The following SNX30 variants were observed in gnomAD, a reference collection of about 807,000 sequenced individuals.
SNX30 encodes sorting nexin-30.
SNX30 carries 24 observed loss-of-function variants against 46.4 expected under a neutral mutation model. The observed-to-expected ratio is 0.52, with a 90% CI of 0.37 to 0.73. The LOEUF is 0.73. Among genes scored for constraint, SNX30 ranks in the 30% least tolerant of loss-of-function variants. SNX30 has a pLI of 0.00. For synonymous variants in SNX30, 189 were observed against 211.5 expected (o/e 0.89, Z 0.92); for missense variants, 533 against 555.7 (o/e 0.96, Z 0.41).
chr9:112,823,622 G>C (rs1840538654), intron 3 of SNX30, among the ~76,000 whole-genome samples: 1 of 152,190 alleles, frequency 6.6e-6, no homozygotes. Flanking sequence ...TTTTAAGGAA[G>C]AAAGCTTTCT....
intron 3 of SNX30, among the ~76,000 whole-genome samples, chr9:112,823,312 T>C (rs2131432082): frequency 6.6e-6 from 1 of 152,362 alleles, no homozygotes; most frequent in East Asian, 1.9e-4. Context: ...TAACTATAGG[T>C]ACCACTTTGT....
chr9:112,827,667 T>C (rs1840598331), intron 3 of SNX30, among the ~76,000 whole-genome samples: 1 of 152,216 alleles, frequency 6.6e-6, no homozygotes, highest in South Asian at 2.1e-4. Flanking sequence ...TTGCTATGTC[T>C]TATTTCTGGT....
intron 2 of SNX30, among the ~76,000 whole-genome samples, chr9:112,806,887 C>G (rs1361904118): frequency 6.6e-6 from 1 of 152,044 alleles, no homozygotes; most frequent in Non-Finnish European, 1.5e-5. Context: ...ATGTTCCCTT[C>G]CATTTTATAG....
chr9:112,793,469 CA>C lies in SNX30; in HGVS notation c.157-11306del, dbSNP rs1405124050. On this transcript the variant is annotated intron_variant, in intron 1 of 8. Coordinates refer to ENST00000374232, the MANE Select transcript of SNX30 (RefSeq NM_001012994.2). Reference sequence around the variant, plus strand: ...CCTGTGCTTGGCATCCCCTTGGTCACAGTCACAGCAGCCAACTCCTTGGTGG... The same window carrying C: ...CCTGTGCTTGGCATCCCCTTGGTCACGTCACAGCAGCCAACTCCTTGGTGG... 2.0e-5 allele frequency among the ~76,000 whole-genome samples: 3 copies of C among 152,210 alleles called. No individual in the cohort carries two copies. The East Asian group carries it at 5.8e-4, about 29-fold the overall frequency.
intron 2 of SNX30, among the ~76,000 whole-genome samples, chr9:112,812,858 A>C (rs1277571669): frequency 6.6e-6 from 1 of 152,154 alleles, no homozygotes; most frequent in Non-Finnish European, 1.5e-5. Context: ...TTTCCCTTAA[A>C]ACAACAGGCC....
At chr9:112,878,265 C>G (rs1564302488), downstream of SNX30, 1 of 152,276 alleles carries the variant, frequency 6.6e-6, no homozygotes, top group Non-Finnish European at 1.5e-5. Context: ...CCTTACCACC[C>G]CAGTCTCATC....
At chr9:112,822,537 TTTTG>T (rs775706196) in intron 3 of SNX30, among the ~76,000 whole-genome samples, 120 of 8,782 alleles carry the variant, frequency 0.014, 3 homozygotes, top group South Asian at 0.027. Context: ...TGCTGTTTTG[TTTTG>T]TTTTTTTTTT....
intron 6 of SNX30, among the ~76,000 whole-genome samples, chr9:112,850,159 G>A: frequency 6.6e-6 from 1 of 152,204 alleles, no homozygotes; most frequent in South Asian, 2.1e-4. Flanking sequence ...CCTCACTCCT[G>A]TCCCATCCAG....
intron 7 of SNX30, among the ~76,000 whole-genome samples, chr9:112,852,001 C>T (rs982462583): frequency 6.6e-6 from 1 of 152,186 alleles, no homozygotes; most frequent in Non-Finnish European, 1.5e-5. Flanking sequence ...AAAATATACA[C>T]AAATAAATCA....
At chr9:112,756,984 T>G (rs1839360481) in intron 1 of SNX30, among the ~76,000 whole-genome samples, 1 of 152,216 alleles carries the variant, frequency 6.6e-6, no homozygotes, top group African/African-American at 2.4e-5. Flanking sequence ...ACTCATTTTG[T>G]TTTTGTGGCA....
At chr9:112,784,091 G>A (rs1839884260) in intron 1 of SNX30, among the ~76,000 whole-genome samples, 1 of 152,112 alleles carries the variant, frequency 6.6e-6, no homozygotes, top group Non-Finnish European at 1.5e-5. Flanking sequence ...GATTCCTCCT[G>A]GTGTGGCCAG....
intron 1 of SNX30, among the ~76,000 whole-genome samples, chr9:112,771,230 A>G (rs1002385501): frequency 6.6e-6 from 1 of 152,214 alleles, no homozygotes; most frequent in Non-Finnish European, 1.5e-5. Context: ...TGGGTGGAGT[A>G]TACAGATATT....
downstream of SNX30, chr9:112,879,913 G>A (rs1242843612): frequency 1.6e-6 from 2 of 1,217,366 alleles, no homozygotes; most frequent in Middle Eastern, 1.9e-4. Flanking sequence ...TTACAAGCCA[G>A]GCTTTAGGCA....
At chr9:112,856,684 G>C (rs1405705017) in intron 7 of SNX30, 2 of 152,130 alleles carry the variant, frequency 1.3e-5, no homozygotes, top group African/African-American at 4.8e-5. Flanking sequence ...GGAAAGACGT[G>C]GTGGGTAGTG....
At chr9:112,779,562 G>A (rs774178300) in intron 1 of SNX30, among the ~76,000 whole-genome samples, 6 of 152,120 alleles carry the variant, frequency 3.9e-5, no homozygotes, top group Non-Finnish European at 7.3e-5. Context: ...AGGCATCGTG[G>A]GAGGTGCCTG....
intron 2 of SNX30, among the ~76,000 whole-genome samples, chr9:112,813,160 C>T (rs1840345588): frequency 6.6e-6 from 1 of 151,864 alleles, no homozygotes; most frequent in Non-Finnish European, 1.5e-5. Flanking sequence ...AAAAAAACCC[C>T]CCAAAACAAC....
downstream of SNX30, among the ~76,000 whole-genome samples, chr9:112,876,713 G>A (rs1338821097): frequency 6.6e-6 from 1 of 151,980 alleles, no homozygotes; most frequent in East Asian, 1.9e-4. Context: ...GAGGCAGGTG[G>A]ATCATTTGAA....
intron 1 of SNX30, among the ~76,000 whole-genome samples, chr9:112,753,185 C>T (rs1047855772): frequency 2.6e-5 from 4 of 152,014 alleles, no homozygotes; most frequent in South Asian, 4.2e-4. Context: ...AAAATATTTA[C>T]CTAACGATTC....
At chr9:112,779,297 G>C (rs1387627846) in intron 1 of SNX30, among the ~76,000 whole-genome samples, 1 of 152,218 alleles carries the variant, frequency 6.6e-6, no homozygotes, top group African/African-American at 2.4e-5. Flanking sequence ...CTTCACTGTG[G>C]TGAGCTTTTT....
Sources: gnomAD v4.1 joint callset for allele counts (sites outside exome capture counted in the v4.1 genomes callset) on GRCh38, gnomAD v4.1.1 for gene constraint, MANE v1.5 for transcripts, NCBI Gene and HGNC (gene_info 2026-07-23, HGNC 2026-07-21) for gene names.